Variants in PRICKLE2 observed in about 807,000 individuals in gnomAD.
The protein encoded by PRICKLE2 is prickle planar cell polarity protein 2.
PRICKLE2 carries 21 observed loss-of-function variants against 81.4 expected under a neutral mutation model. That is an observed-to-expected ratio of 0.26 (90% confidence interval 0.18 to 0.37). The LOEUF is 0.37. Ranked by LOEUF, PRICKLE2 falls within the 10% of genes least tolerant of loss-of-function variation. The pLI is 1.00. For synonymous variants in PRICKLE2, 456 were observed against 421.5 expected, an observed-to-expected ratio of 1.08 and a Z score of -1.00; for missense variants, 940 against 1,109.0, an observed-to-expected ratio of 0.85 and a Z score of 2.16.
intron 2 of PRICKLE2, among the ~76,000 whole-genome samples, chr3:64,240,906 G>A (rs1053757376): frequency 2.0e-5 from 3 of 152,174 alleles, no homozygotes; most frequent in Non-Finnish European, 4.4e-5. Context: ...AGGAAGGGGT[G>A]AGCAATGGCA....
intron 1 of PRICKLE2, 86 bp from the exon 2 acceptor site, chr3:64,199,053 C>T (rs2107115818): frequency 7.9e-7 from 1 of 1,264,916 alleles, no homozygotes. Flanking sequence ...CCCCTGGATC[C>T]CAAACCATAA....
Position 64,099,352 on chromosome 3 carries a change from T to C in PRICKLE2, c.2234A>G (p.Tyr745Cys), listed in dbSNP as rs1387331875. ...CGACACAGTCCTAGGGCACTGGCCG[T>C]ACAGGTCCCTCCGGGACCCATGCCC... ...SMGHGSRRDL[Y>C]GQCPRTVSDL... is the part of the protein sequence containing the mutation. The change falls in exon 8 of 8, where the codon TAC (tyrosine) becomes TGC (cysteine). Residue 745 changes from tyrosine (Y) to cysteine (C), a missense_variant. Transcript: ENST00000638394. This position sits in a 1 kb window ranked among gnomAD's most constrained non-coding sequence, Gnocchi z 4.3. 10 of 1,614,138 alleles carry C rather than the reference T, an allele frequency of 6.2e-6. No individual in the cohort carries two copies. The highest frequency in any genetic ancestry group is 3.3e-5 in the Admixed American group (2 of 60,030).
intron 7 of PRICKLE2, among the ~76,000 whole-genome samples, chr3:64,136,631 T>C (rs932002408): frequency 1.3e-5 from 2 of 151,980 alleles, no homozygotes; most frequent in African/African-American, 2.4e-5. Context: ...ACTTTACGTA[T>C]AGGCAGAGGA....
Position 64,198,982 on chromosome 3 carries a change from G to A in PRICKLE2, c.-40-15C>T. 1 of 1,612,920 alleles carries A rather than the reference G, an allele frequency of 6.2e-7. No individual in the cohort carries two copies. Among genetic ancestry groups the A allele is most frequent in the Non-Finnish European group, 8.5e-7 (1 of 1,179,854 alleles). On this transcript the variant is annotated splice_polypyrimidine_tract_variant and intron_variant, in intron 1 of 7. Coordinates refer to ENST00000638394, the MANE Select transcript of PRICKLE2 (RefSeq NM_198859.4). ...GGCAGATCTTCCTGCAGGCAGTAAA[G>A]GTAGAAGGTGAGAAAGAGGAAAAAA...
Position 64,160,420 on chromosome 3 carries a change from G to A in PRICKLE2, c.259-343C>T, listed in dbSNP as rs1462503992. ...GTGGCTCAGCTGCCAGGAAAGAGCT[G>A]AGAAGTTCTCCTTCTTCCAAACTGC... is the stretch of plus-strand genomic sequence containing the variant. On this transcript the variant is annotated intron_variant, in intron 3 of 7. Transcript: ENST00000638394. Among the ~76,000 whole-genome samples, 4 of 152,228 alleles carry A rather than the reference G, an allele frequency of 2.6e-5. No individual in the cohort carries two copies. The East Asian group carries it at 7.7e-4, about 29-fold the overall frequency.
intron 2 of PRICKLE2, among the ~76,000 whole-genome samples, chr3:64,252,627 AAACCAGGACCCAGG>A (rs2079464351): frequency 6.6e-6 from 1 of 152,174 alleles, no homozygotes; most frequent in Admixed American, 6.5e-5. Flanking sequence ...CTTCCCTACT[AAACCAGGACCCAGG>A]ACGCATGACG....
intron 2 of PRICKLE2, among the ~76,000 whole-genome samples, chr3:64,255,606 A>G (rs1448559188): frequency 6.6e-6 from 1 of 152,216 alleles, no homozygotes; most frequent in African/African-American, 2.4e-5. Context: ...ATAAGGCCTC[A>G]GGGCAGATGG....
intron 2 of PRICKLE2, among the ~76,000 whole-genome samples, chr3:64,195,605 C>T (rs901170741): frequency 1.3e-5 from 2 of 152,094 alleles, no homozygotes; most frequent in South Asian, 2.1e-4. Context: ...TGATATTAAA[C>T]ATCAGAATTT....
intron 4 of PRICKLE2, among the ~76,000 whole-genome samples, chr3:64,157,685 A>G (rs973830753): frequency 6.6e-6 from 1 of 152,218 alleles, no homozygotes; most frequent in Admixed American, 6.5e-5. Context: ...GCACAGAGGA[A>G]AGCCTCATTA....
intron 7 of PRICKLE2, among the ~76,000 whole-genome samples, chr3:64,122,417 G>A (rs767709330): frequency 6.6e-6 from 1 of 152,180 alleles, no homozygotes; most frequent in Non-Finnish European, 1.5e-5. Context: ...AAGTTCCCCA[G>A]TCCTGTCCCA....
intron 4 of PRICKLE2, 149 bp from the exon 5 acceptor site, chr3:64,157,514 G>A (rs946786118): frequency 1.2e-6 from 1 of 822,206 alleles, no homozygotes; most frequent in Non-Finnish European, 2.0e-6. Flanking sequence ...CAGGCAGCAG[G>A]GCAGGTTTTT....
At chr3:64,252,071 T>C (rs1046523637) in intron 2 of PRICKLE2, among the ~76,000 whole-genome samples, 2 of 152,152 alleles carry the variant, frequency 1.3e-5, no homozygotes, top group Non-Finnish European at 2.9e-5. Context: ...CATGGCAAAG[T>C]GATTAAGAAT....
chr3:64,121,291 C>T (rs1484786112), intron 7 of PRICKLE2, among the ~76,000 whole-genome samples: 3 of 152,264 alleles, frequency 2.0e-5, no homozygotes, highest in African/African-American at 4.8e-5. Context: ...GGAATTTCTA[C>T]GGCACTTCTC....
intron 7 of PRICKLE2, among the ~76,000 whole-genome samples, chr3:64,118,508 C>G: frequency 6.6e-6 from 1 of 151,888 alleles, no homozygotes; most frequent in South Asian, 2.1e-4. Context: ...AAGAAAAAAA[C>G]CAAACCACCC....
At chr3:64,246,530 G>A (rs977822599) in intron 2 of PRICKLE2, among the ~76,000 whole-genome samples, 2 of 152,166 alleles carry the variant, frequency 1.3e-5, no homozygotes, top group African/African-American at 4.8e-5. Flanking sequence ...TTAGATCAGT[G>A]TTTCTAAAAC....
At chr3:64,178,515 A>C (rs2078062846) in intron 2 of PRICKLE2, among the ~76,000 whole-genome samples, 1 of 152,240 alleles carries the variant, frequency 6.6e-6, no homozygotes, top group African/African-American at 2.4e-5. Flanking sequence ...GACATGCCTA[A>C]CTTTAAACGG....
At chr3:64,262,123 A>G (rs549874015) in intron 2 of PRICKLE2, among the ~76,000 whole-genome samples, 4 of 152,206 alleles carry the variant, frequency 2.6e-5, no homozygotes, top group African/African-American at 9.7e-5. Flanking sequence ...CGCACACTCT[A>G]TCAAGATATC....
intron 2 of PRICKLE2, among the ~76,000 whole-genome samples, chr3:64,186,221 G>A (rs11716989): frequency 0.12 from 17,680 of 152,214 alleles, 1,209 homozygotes; most frequent in East Asian, 0.21. Context: ...CTATGGAAAA[G>A]AAAACTAAGA....
Position 64,092,351 on chromosome 3 carries a change from C to T in PRICKLE2, c.*6700G>A, listed in dbSNP as rs1267196239. The stretch of plus-strand genomic sequence containing the variant: ...TGATTAGCTAGGGTGGGTAAGACTA[C>T]TTACTATTCCGAATGTCTTGCCTAG... On this transcript the variant is annotated 3_prime_UTR_variant, in exon 8 of 8. Transcript: ENST00000638394. 1.3e-5 allele frequency: 2 copies of T among 152,238 alleles called. No homozygotes were observed. Among genetic ancestry groups the T allele is most frequent in the African/African-American group, 2.4e-5 (1 of 41,468 alleles). 9.4% of individuals were successfully genotyped at this position (152,238 alleles called of 1,614,324 possible).
Sources: allele counts gnomAD v4.1 joint callset (sites outside exome capture counted in the v4.1 genomes callset), GRCh38; gene constraint gnomAD v4.1.1; non-coding constraint Gnocchi (gnomAD v3.1); transcripts MANE v1.5; gene names NCBI Gene and HGNC (gene_info 2026-07-23, HGNC 2026-07-21).